The following ABCC4 variants were observed in gnomAD, a reference collection of about 807,000 sequenced individuals.
ABCC4 encodes the protein ATP-binding cassette sub-family C member 4.
A neutral mutation model predicts 168.5 loss-of-function variants in ABCC4; 102 were observed. The observed-to-expected ratio is 0.61, with a 90% CI of 0.52 to 0.71. The LOEUF (loss-of-function observed/expected upper bound fraction) is 0.71. ABCC4 is among the 30% of genes least tolerant of loss of function. ABCC4 has a pLI of 0.00. For missense variants in ABCC4, 1,402 were observed against 1,605.8 expected, an observed-to-expected ratio of 0.87 and a Z score of 2.17; for synonymous variants, 617 against 590.7, an observed-to-expected ratio of 1.04 and a Z score of -0.65.
chr13:95,149,177 T>A (rs2036595335), intron 19 of ABCC4, among the ~76,000 whole-genome samples: 1 of 152,208 alleles, frequency 6.6e-6, no homozygotes. Flanking sequence ...ACTATTTATT[T>A]AATCTTAAAG....
chr13:95,041,098 T>C (rs1055142903), intron 29 of ABCC4, among the ~76,000 whole-genome samples: 1 of 152,216 alleles, frequency 6.6e-6, no homozygotes, highest in African/African-American at 2.4e-5. Flanking sequence ...CTGTCTTTAA[T>C]GTGGAGATAG....
Position 95,209,476 on chromosome 13 carries a change from A to G in ABCC4, c.743T>C (p.Leu248Pro). 1 of 1,614,218 alleles carries G rather than the reference A, an allele frequency of 6.2e-7. No homozygotes were observed. Among genetic ancestry groups the G allele is most frequent in the Non-Finnish European group, 8.5e-7 (1 of 1,180,014 alleles). Reference protein sequence around the residue: ...LAGMAVLIILLPLQSCFGKLF... With the variant: ...LAGMAVLIILPPLQSCFGKLF... ...CTTCCCAAAACAGCTTTGCAAGGGC[A>G]GGAGAATGATTAGAACTGCCATCCC... is the stretch of plus-strand genomic sequence containing the variant. Residue 248 changes from leucine to proline, a missense_variant, in exon 6 of 31, where the codon CTG becomes CCG. By Grantham distance (98) the Leu-to-Pro change is moderately conservative (BLOSUM62 -3). This residue lies in a region of ABCC4 where 317 missense variants were observed against 345.5 expected (regional missense o/e 0.92). Transcript: ENST00000645237.
chr13:95,075,438 G>A lies in ABCC4; in HGVS notation c.2800C>T (p.His934Tyr). 1 of 1,614,132 alleles carries A rather than the reference G, an allele frequency of 6.2e-7. No homozygotes were observed. The highest frequency in any genetic ancestry group is 8.5e-7 in the Non-Finnish European group (1 of 1,179,986). Residue 934 changes from histidine to tyrosine, a missense_variant, in exon 22 of 31, where the codon CAT becomes TAT. Coordinates refer to ENST00000645237, the MANE Select transcript of ABCC4 (RefSeq NM_005845.5). ...QELFDAHQDL[H>Y]SEAWFLFLTT... is the part of the protein sequence containing the mutation. ...TTTCCAGAAATAGACAGACCTGAATGTAAATCCTGGTGTGCATCAAACAGT... is the reference window on the plus strand; with the variant it reads ...TTTCCAGAAATAGACAGACCTGAATATAAATCCTGGTGTGCATCAAACAGT...
intron 20 of ABCC4, among the ~76,000 whole-genome samples, chr13:95,085,824 C>T (rs540145770): frequency 2.0e-5 from 3 of 152,238 alleles, no homozygotes; most frequent in African/African-American, 4.8e-5. Context: ...ATATGTATTT[C>T]GCATCCATTA....
chr13:95,299,888 C>A (rs2041631187), intron 1 of ABCC4, among the ~76,000 whole-genome samples: 1 of 152,210 alleles, frequency 6.6e-6, no homozygotes, highest in Admixed American at 6.5e-5. Context: ...GTCACCCAGG[C>A]TGGAGTACAG....
chr13:95,247,062 A>G lies in ABCC4; in HGVS notation c.219T>C (p.Asn73=). 1 of 1,613,730 alleles carries G rather than the reference A, an allele frequency of 6.2e-7. No homozygotes were observed. Among genetic ancestry groups the G allele is most frequent in the Non-Finnish European group, 8.5e-7 (1 of 1,179,630 alleles). Residue 73 remains asparagine, a synonymous_variant, in exon 3 of 31, where the codon AAT becomes AAC. Transcript: ENST00000645237. ...FWDKEVLRAE[N]DAQKPSLTRA... ...TTGTTAAAGAAGGCTTCTGTGCGTC[A>G]TTCTCAGCTCTTAAAACTTCTTTAT...
intron 1 of ABCC4, among the ~76,000 whole-genome samples, chr13:95,288,664 G>A (rs964908202): frequency 1.3e-5 from 2 of 152,054 alleles, no homozygotes; most frequent in Non-Finnish European, 2.9e-5. Context: ...AAATTAGCCA[G>A]GTGTCATGGC....
intron 29 of ABCC4, among the ~76,000 whole-genome samples, chr13:95,035,757 A>C (rs2032094393): frequency 6.6e-6 from 1 of 152,154 alleles, no homozygotes; most frequent in Non-Finnish European, 1.5e-5. Flanking sequence ...AATTGGCCCA[A>C]ATGACGTACC....
intron 19 of ABCC4, among the ~76,000 whole-genome samples, chr13:95,123,607 C>G (rs982372007): frequency 2.0e-5 from 3 of 152,176 alleles, no homozygotes; most frequent in East Asian, 1.9e-4. Flanking sequence ...GGTGACCTGC[C>G]CACCTCAGCC....
intron 29 of ABCC4, among the ~76,000 whole-genome samples, chr13:95,038,374 CAAAA>C (rs74617293): frequency 1.0e-5 from 1 of 97,642 alleles, no homozygotes; most frequent in African/African-American, 4.2e-5. Flanking sequence ...AGCCCATACT[CAAAA>C]AAAAAAAAAA....
intron 20 of ABCC4, among the ~76,000 whole-genome samples, chr13:95,102,399 G>A (rs2034841045): frequency 6.6e-6 from 1 of 152,012 alleles, no homozygotes; most frequent in South Asian, 2.1e-4. Flanking sequence ...TTCCAGGTCG[G>A]CCTCCCAAAT....
chr13:95,132,630 G>C (rs2036008259), intron 19 of ABCC4, among the ~76,000 whole-genome samples: 1 of 151,912 alleles, frequency 6.6e-6, no homozygotes, highest in South Asian at 2.1e-4. Context: ...TTTTTTATTG[G>C]ATTGTTTTTC....
intron 20 of ABCC4, among the ~76,000 whole-genome samples, chr13:95,102,754 G>A (rs1473987791): frequency 6.6e-6 from 1 of 151,176 alleles, no homozygotes; most frequent in Non-Finnish European, 1.5e-5. Context: ...CCAAGTAGCT[G>A]GTATTACAAG....
chr13:95,218,974 A>G (rs2039222513), intron 4 of ABCC4, among the ~76,000 whole-genome samples: 1 of 41,558 alleles, frequency 2.4e-5, no homozygotes, highest in Non-Finnish European at 5.9e-5. Context: ...AGAAAGAAAG[A>G]AAGAAAGAAA....
chr13:95,054,543 A>G (rs570093150), intron 26 of ABCC4, among the ~76,000 whole-genome samples: 7 of 90,768 alleles, frequency 7.7e-5, no homozygotes, highest in African/African-American at 1.9e-4. Context: ...GCAAGTCTCC[A>G]TCTTAAAAAA....
intron 8 of ABCC4, among the ~76,000 whole-genome samples, chr13:95,199,661 G>C (rs1164107088): frequency 6.6e-6 from 1 of 152,066 alleles, no homozygotes; most frequent in Non-Finnish European, 1.5e-5. Context: ...CTGTCTACTT[G>C]GTCTGAGTCC....
chr13:95,181,069 G>C (rs1217637914), intron 11 of ABCC4, among the ~76,000 whole-genome samples: 1 of 152,198 alleles, frequency 6.6e-6, no homozygotes, highest in Admixed American at 6.5e-5. Context: ...GCTCCCAATG[G>C]GAGGAAGGTA....
At chr13:95,270,159 G>A (rs1478622637) in intron 1 of ABCC4, among the ~76,000 whole-genome samples, 1 of 152,192 alleles carries the variant, frequency 6.6e-6, no homozygotes, top group Non-Finnish European at 1.5e-5. Context: ...TCCATGAAAA[G>A]AGGGACAGTC....
At chr13:95,160,826 T>A (rs2037074044) in intron 19 of ABCC4, among the ~76,000 whole-genome samples, 1 of 152,202 alleles carries the variant, frequency 6.6e-6, no homozygotes, top group African/African-American at 2.4e-5. Flanking sequence ...TAACACTATG[T>A]AAACACAGCC....
Sources: gnomAD v4.1 joint callset for allele counts (sites outside exome capture counted in the v4.1 genomes callset) on GRCh38, gnomAD v4.1.1 for gene constraint, gnomAD v4.1.1 regional missense constraint, MANE v1.5 for transcripts, NCBI Gene and HGNC (gene_info 2026-07-23, HGNC 2026-07-21) for gene names.